The following OSTF1 variants were observed in gnomAD, a reference collection of about 807,000 sequenced individuals.
OSTF1 encodes osteoclast-stimulating factor 1.
OSTF1 carries 27 observed loss-of-function variants against 37.2 expected under a neutral mutation model. That is an observed-to-expected ratio of 0.73 (90% CI 0.54 to 1.00). The LOEUF (loss-of-function observed/expected upper bound fraction) is 1.00. OSTF1 is among the 50% of genes least tolerant of loss of function. The pLI is 0.00. For synonymous variants in OSTF1, 82 were observed against 89.2 expected (o/e 0.92, Z 0.46); for missense variants, 232 against 253.8 (o/e 0.91, Z 0.58).
At chr9:75,144,402 A>G (rs568869041) in intron 9 of OSTF1, among the ~76,000 whole-genome samples, 3 of 152,244 alleles carry the variant, frequency 2.0e-5, no homozygotes, top group East Asian at 3.9e-4. Flanking sequence ...AAAATTAAAA[A>G]CTAGCTGAGT....
chr9:75,093,735 G>A (rs1275604600), intron 1 of OSTF1, among the ~76,000 whole-genome samples: 1 of 152,112 alleles, frequency 6.6e-6, no homozygotes, highest in Non-Finnish European at 1.5e-5. Flanking sequence ...TAATTTTTAT[G>A]TATTTTTTAC....
chr9:75,131,744 G>T (rs766934545), intron 4 of OSTF1, 26 bp from the exon 5 acceptor site: 3 of 1,599,410 alleles, frequency 1.9e-6, no homozygotes, highest in African/African-American at 2.7e-5. Flanking sequence ...TCCACATTGG[G>T]TTAACACTTT....
At chr9:75,088,884 C>G in intron 1 of OSTF1, 158 bp downstream of exon 1, 1 of 671,134 alleles carries the variant, frequency 1.5e-6, no homozygotes, top group Non-Finnish European at 2.6e-6. Flanking sequence ...TTTGCGTTCG[C>G]TGTTACGGAG....
chr9:75,104,957 A>C (rs1825258386), intron 1 of OSTF1, among the ~76,000 whole-genome samples: 1 of 152,212 alleles, frequency 6.6e-6, no homozygotes, highest in Admixed American at 6.5e-5. Context: ...GGTTAATAGA[A>C]CATTTACATC....
chr9:75,131,937 C>T, intron 5 of OSTF1, 114 bp downstream of exon 5: 1 of 734,982 alleles, frequency 1.4e-6, no homozygotes, highest in Non-Finnish European at 2.4e-6. Context: ...AGATCTAGAA[C>T]ATTTCTGCCA....
intron 1 of OSTF1, among the ~76,000 whole-genome samples, chr9:75,095,326 A>G (rs1825056083): frequency 6.6e-6 from 1 of 152,220 alleles, no homozygotes; most frequent in Non-Finnish European, 1.5e-5. Context: ...ATACCAGTTT[A>G]CTTCCCTACC....
chr9:75,119,554 T>G (rs920446531), intron 2 of OSTF1, among the ~76,000 whole-genome samples: 1 of 152,234 alleles, frequency 6.6e-6, no homozygotes, highest in African/African-American at 2.4e-5. Flanking sequence ...GAGATCAAGG[T>G]GTCGGCAGGA....
intron 9 of OSTF1, among the ~76,000 whole-genome samples, chr9:75,144,897 C>T (rs776703132): frequency 1.3e-5 from 2 of 152,114 alleles, no homozygotes. Context: ...ATTTTTTAAG[C>T]AATAGTTCCT....
intron 8 of OSTF1, among the ~76,000 whole-genome samples, chr9:75,139,058 T>TCTTTTCTTTTTTTCTTC (rs796945154): frequency 2.1e-5 from 1 of 47,252 alleles, no homozygotes; most frequent in African/African-American, 9.0e-5. Context: ...TTCTTTCTTT[T>TCTTTTCTTTTTTTCTTC]TTTTTTGAAA....
At chr9:75,132,045 A>C (rs1035655945) in intron 5 of OSTF1, among the ~76,000 whole-genome samples, 2 of 152,228 alleles carry the variant, frequency 1.3e-5, no homozygotes, top group African/African-American at 4.8e-5. Context: ...TAGTTTTAAA[A>C]TGTCAGTCAA....
chr9:75,095,483 G>A (rs1444833723), intron 1 of OSTF1, among the ~76,000 whole-genome samples: 7 of 152,222 alleles, frequency 4.6e-5, no homozygotes, highest in African/African-American at 9.6e-5. Flanking sequence ...AATCTAAGCA[G>A]AGTTCCCAAT....
rs539629061 is a variant in OSTF1 at position 75,088,858 on chromosome 9, G to C, written c.34+132G>C. 2.1e-5 allele frequency: 17 copies of C among 813,940 alleles called. No individual in the cohort carries two copies. The Admixed American group carries it at 2.4e-4, about 12-fold the overall frequency. 50.4% of individuals were successfully genotyped at this position (813,940 alleles called of 1,614,324 possible). A position where few individuals can be genotyped will look rare whatever the true frequency, so the allele number is the denominator to read the frequency against. On this transcript the variant is annotated intron_variant, in intron 1 of 9. Transcript: ENST00000346234. The stretch of plus-strand genomic sequence containing the variant: ...TGGCTTCCGAGATCGGCCCCACCGG[G>C]ATGGGCGCTCTTAGTTTTGCGTTCG...
intron 1 of OSTF1, among the ~76,000 whole-genome samples, chr9:75,107,435 A>G (rs1825308349): frequency 6.6e-6 from 1 of 152,182 alleles, no homozygotes. Context: ...ATTATTTTCC[A>G]TGATTCTCTC....
intron 2 of OSTF1, among the ~76,000 whole-genome samples, chr9:75,119,957 C>A (rs576375625): frequency 1.0e-4 from 15 of 147,850 alleles, no homozygotes; most frequent in African/African-American, 3.9e-4. Flanking sequence ...AGTGAGACTC[C>A]GTCTTAATAA....
At chr9:75,132,941 GA>G (rs1466460617) in intron 5 of OSTF1, among the ~76,000 whole-genome samples, 3 of 146,762 alleles carry the variant, frequency 2.0e-5, no homozygotes, top group Non-Finnish European at 3.0e-5. Flanking sequence ...ATTTCACAAA[GA>G]AAAAAATAAT....
intron 1 of OSTF1, among the ~76,000 whole-genome samples, chr9:75,108,559 A>G (rs1825331088): frequency 6.6e-6 from 1 of 152,212 alleles, no homozygotes; most frequent in African/African-American, 2.4e-5. Flanking sequence ...AAATTATTAT[A>G]TAAAGAGTAA....
intron 1 of OSTF1, among the ~76,000 whole-genome samples, chr9:75,116,778 C>G (rs924562886): frequency 1.6e-4 from 25 of 152,122 alleles, no homozygotes; most frequent in African/African-American, 5.3e-4. Flanking sequence ...GTTGGAAGGA[C>G]TCTGTATAGG....
intron 2 of OSTF1, among the ~76,000 whole-genome samples, chr9:75,125,679 A>G (rs952783615): frequency 6.6e-6 from 1 of 152,194 alleles, no homozygotes; most frequent in Non-Finnish European, 1.5e-5. Flanking sequence ...TTATATTTGA[A>G]TGCATAATGC....
At chr9:75,090,297 GTGTGTGT>G in intron 1 of OSTF1, among the ~76,000 whole-genome samples, 1 of 1,740 alleles carries the variant, frequency 5.7e-4, no homozygotes, top group Non-Finnish European at 1.7e-3. Flanking sequence ...ATTGACAGGT[GTGTGTGT>G]GTGTGTGTGT....
Sources: allele counts gnomAD v4.1 joint callset (sites outside exome capture counted in the v4.1 genomes callset), GRCh38; gene constraint gnomAD v4.1.1; transcripts MANE v1.5; gene names NCBI Gene and HGNC (gene_info 2026-07-23, HGNC 2026-07-21).